Variants in RIT2 observed in about 807,000 individuals in gnomAD.
RIT2 encodes GTP-binding protein Rit2.
Under a neutral mutation model 23.7 loss-of-function variants are expected in RIT2, and 24 were observed. The ratio of observed to expected loss-of-function variants is 1.01; its 90% CI spans 0.73 to 1.43. The LOEUF is 1.43. Among genes scored for constraint, RIT2 ranks in the 40% most tolerant of loss-of-function variants. The probability of loss-of-function intolerance (pLI) is 0.00; values close to 1 mark genes in which losing one functional copy is unlikely to be tolerated. For missense variants in RIT2, 236 were observed against 266.9 expected (o/e 0.88, Z 0.81); for synonymous variants, 107 against 91.1 (o/e 1.17, Z -0.99).
intron 4 of RIT2, among the ~76,000 whole-genome samples, chr18:42,759,258 G>A (rs1238010885): frequency 6.6e-6 from 1 of 152,042 alleles, no homozygotes; most frequent in Non-Finnish European, 1.5e-5. Flanking sequence ...CGCACTTACT[G>A]CACATTCCTC....
chr18:42,946,922 T>A, intron 3 of RIT2, among the ~76,000 whole-genome samples: 1 of 152,078 alleles, frequency 6.6e-6, no homozygotes, highest in East Asian at 1.9e-4. Flanking sequence ...GAAGATATTT[T>A]TTCTTTCCAT....
At chr18:42,980,468 A>G (rs1051708085) in intron 2 of RIT2, among the ~76,000 whole-genome samples, 1 of 152,152 alleles carries the variant, frequency 6.6e-6, no homozygotes, top group Admixed American at 6.5e-5. Flanking sequence ...ATTGGTGTCA[A>G]CTACCCCACT....
chr18:42,967,203 G>A (rs1910248211), intron 3 of RIT2, among the ~76,000 whole-genome samples: 4 of 151,912 alleles, frequency 2.6e-5, no homozygotes, highest in South Asian at 2.1e-4. Context: ...CATATAAGAG[G>A]AGACATAGTT....
intron 1 of RIT2, among the ~76,000 whole-genome samples, chr18:43,092,968 C>A (rs1913460301): frequency 6.6e-6 from 1 of 151,964 alleles, no homozygotes. Context: ...CGAGCTTTGA[C>A]AAATGCATAG....
rs571454814 is a variant in RIT2 at position 42,743,721 on chromosome 18, C to T, written c.427-1G>A. The T allele has an allele frequency of 1.3e-6, 2 of 1,592,290 alleles. No homozygotes were observed. The highest frequency in any genetic ancestry group is 1.7e-6 in the Non-Finnish European group (2 of 1,168,754). ...GACTCAAGCCTTCTTCTGTAGAAAC[C>T]TAAGGAAAAAACAAATAATATTAAA... is the stretch of plus-strand genomic sequence containing the variant. On this transcript the variant is annotated splice_acceptor_variant, in intron 4 of 4. Transcript: ENST00000326695. LOFTEE classifies it high-confidence loss of function.
chr18:42,824,232 T>A (rs992113249), intron 4 of RIT2, among the ~76,000 whole-genome samples: 39 of 152,106 alleles, frequency 2.6e-4, no homozygotes, highest in African/African-American at 9.4e-4. Flanking sequence ...GAAGTGAATG[T>A]TGAGTTGATA....
At chr18:42,949,046 C>CA in intron 3 of RIT2, 1 of 397,664 alleles carries the variant, frequency 2.5e-6, no homozygotes, top group East Asian at 3.6e-5. Context: ...GCCAGTCACA[C>CA]AGCTGGGGAG....
intron 2 of RIT2, among the ~76,000 whole-genome samples, chr18:42,997,335 T>G (rs1911007766): frequency 6.6e-6 from 1 of 151,516 alleles, no homozygotes; most frequent in Non-Finnish European, 1.5e-5. Context: ...TTCAAAGTTA[T>G]GACTGCATTT....
intron 2 of RIT2, among the ~76,000 whole-genome samples, chr18:43,020,964 T>C (rs1344754220): frequency 1.3e-5 from 2 of 152,056 alleles, no homozygotes; most frequent in African/African-American, 2.4e-5. Flanking sequence ...AAAGATTTCA[T>C]GTCAAATACC....
At chr18:42,863,552 A>G (rs941986351) in intron 4 of RIT2, among the ~76,000 whole-genome samples, 1 of 152,200 alleles carries the variant, frequency 6.6e-6, no homozygotes, top group Admixed American at 6.5e-5. Context: ...AAGAGTAAAC[A>G]AACAATGTTA....
intron 1 of RIT2, among the ~76,000 whole-genome samples, chr18:43,051,183 T>C (rs1912373204): frequency 6.6e-6 from 1 of 152,006 alleles, no homozygotes; most frequent in South Asian, 2.1e-4. Flanking sequence ...CACTACTTGG[T>C]GTGTCAGAAA....
chr18:42,799,073 C>T (rs1407883057), intron 4 of RIT2, among the ~76,000 whole-genome samples: 2 of 152,146 alleles, frequency 1.3e-5, no homozygotes, highest in African/African-American at 2.4e-5. Flanking sequence ...TTAACTTCAG[C>T]AGTTATCAGG....
chr18:42,994,802 C>T (rs1568050111), intron 2 of RIT2, among the ~76,000 whole-genome samples: 1 of 152,166 alleles, frequency 6.6e-6, no homozygotes, highest in African/African-American at 2.4e-5. Context: ...TCAACTTACT[C>T]TCTACAGCTC....
chr18:43,101,261 TC>T (rs1175004791), intron 1 of RIT2, among the ~76,000 whole-genome samples: 4 of 152,150 alleles, frequency 2.6e-5, no homozygotes, highest in Admixed American at 1.3e-4. Flanking sequence ...TATTTCTTCA[TC>T]TTGGTACCAA....
chr18:42,897,291 G>A (rs572664188), intron 4 of RIT2, among the ~76,000 whole-genome samples: 20 of 152,274 alleles, frequency 1.3e-4, no homozygotes, highest in African/African-American at 4.6e-4. Flanking sequence ...ATCTGATGGC[G>A]CTGGGGAGTG....
At chr18:42,790,094 T>C (rs1443979728) in intron 4 of RIT2, among the ~76,000 whole-genome samples, 1 of 152,250 alleles carries the variant, frequency 6.6e-6, no homozygotes, top group East Asian at 1.9e-4. Flanking sequence ...ATCATTTTTG[T>C]CCTTAATTTT....
intron 2 of RIT2, among the ~76,000 whole-genome samples, chr18:43,026,612 GAA>G (rs1386413176): frequency 9.0e-4 from 128 of 142,086 alleles, no homozygotes; most frequent in Non-Finnish European, 1.2e-3. Flanking sequence ...AAGAAAGAAA[GAA>G]AGAAAGAAAG....
chr18:42,851,307 T>C (rs1033394024), intron 4 of RIT2, among the ~76,000 whole-genome samples: 4 of 152,220 alleles, frequency 2.6e-5, no homozygotes, highest in Admixed American at 2.6e-4. Flanking sequence ...ATTTTGACAA[T>C]AAGCCAGTTG....
chr18:42,832,335 A>T (rs1290882434), intron 4 of RIT2, among the ~76,000 whole-genome samples: 1 of 152,224 alleles, frequency 6.6e-6, no homozygotes, highest in Non-Finnish European at 1.5e-5. Flanking sequence ...TTTCCAAATA[A>T]TGTAAATACC....
Sources: allele counts gnomAD v4.1 joint callset (sites outside exome capture counted in the v4.1 genomes callset), GRCh38; gene constraint gnomAD v4.1.1; transcripts MANE v1.5; gene names NCBI Gene and HGNC (gene_info 2026-07-23, HGNC 2026-07-21).